EEFSEC: variants seen among roughly 807,000 people sequenced by gnomAD.
EEFSEC encodes the protein eukaryotic elongation factor, selenocysteine-tRNA specific.
In EEFSEC, 43 loss-of-function variants were observed where a neutral mutation model predicts 42.1. The observed-to-expected ratio is 1.02, with a 90% CI of 0.80 to 1.32. The LOEUF (loss-of-function observed/expected upper bound fraction) is 1.32, where lower values mean the gene tolerates loss of function less well. Ranked by LOEUF, EEFSEC falls within the 40% of genes most tolerant of loss-of-function variation. EEFSEC has a pLI of 0.00. For synonymous variants in EEFSEC, 354 were observed against 339.1 expected (o/e 1.04, Z -0.48); for missense variants, 745 against 803.6 (o/e 0.93, Z 0.88).
At chr3:128,243,541 G>A (rs573547612) in intron 1 of EEFSEC, among the ~76,000 whole-genome samples, 15 of 152,346 alleles carry the variant, frequency 9.8e-5, no homozygotes, top group Admixed American at 2.6e-4. Flanking sequence ...GTCCAGCAAC[G>A]ATGTATTAAG....
the EEFSEC span, among the ~76,000 whole-genome samples, chr3:128,419,956 AG>A: frequency 1.3e-5 from 2 of 151,906 alleles, no homozygotes; most frequent in Admixed American, 6.6e-5. Flanking sequence ...CCGCAGCGGG[AG>A]GGGGGACAGC....
Position 128,387,960 on chromosome 3 carries a change from G to A in EEFSEC, c.1601-20109G>A, listed in dbSNP as rs114383705. ...GCACTGGATGGCTATTTAGGCATGA[G>A]GGTGCCACGAGCAGAGACCTGGAAG... On this transcript the variant is annotated intron_variant, in intron 6 of 6. Transcript: ENST00000254730. Among the ~76,000 whole-genome samples the A allele has an allele frequency of 2.8e-3, 430 of 152,318 alleles. 1 individual carries two copies. The highest frequency in any genetic ancestry group is 9.6e-3 in the African/African-American group (401 of 41,570).
intron 4 of EEFSEC, among the ~76,000 whole-genome samples, chr3:128,324,706 G>C (rs1003248793): frequency 6.6e-6 from 1 of 152,200 alleles, no homozygotes; most frequent in African/African-American, 2.4e-5. Flanking sequence ...GTAGGCCTAG[G>C]GCTTTGCATG....
At position 128,222,040 on chromosome 3, in the gene EEFSEC, T is replaced by G. The variant is rs553098561; in HGVS notation, c.317-24796T>G. ...TTTTTTCAAAGTTTTTTTTTTTTTTTTTTTTTTTTTTGAGACAGAATCTCA... is the reference window on the plus strand; with the variant it reads ...TTTTTTCAAAGTTTTTTTTTTTTTTGTTTTTTTTTTTGAGACAGAATCTCA... On this transcript the variant is annotated intron_variant, in intron 1 of 6. Coordinates refer to ENST00000254730, the MANE Select transcript of EEFSEC (RefSeq NM_021937.5). 3.2e-4 allele frequency among the ~76,000 whole-genome samples: 46 copies of G among 145,388 alleles called. 1 individual carries two copies. Among genetic ancestry groups the G allele is most frequent in the South Asian group, 2.5e-3 (11 of 4,458 alleles).
At chr3:128,225,006 G>A (rs2065894834) in intron 1 of EEFSEC, among the ~76,000 whole-genome samples, 1 of 152,236 alleles carries the variant, frequency 6.6e-6, no homozygotes, top group Admixed American at 6.5e-5. Flanking sequence ...GGCTGCCCAG[G>A]CATGGTTACC....
chr3:128,349,340 CCT>C (rs2067354770), intron 5 of EEFSEC, among the ~76,000 whole-genome samples: 1 of 152,162 alleles, frequency 6.6e-6, no homozygotes, highest in Non-Finnish European at 1.5e-5. Context: ...GGAGGCTCAG[CCT>C]CTCTCACCTA....
chr3:128,313,856 C>T lies in EEFSEC; in HGVS notation c.787-27377C>T, dbSNP rs1395625354. On this transcript the variant is annotated intron_variant, in intron 4 of 6. Transcript: ENST00000254730. Reference sequence around the variant, plus strand: ...TATGCAGTGATTAGAGTTAAGTCTCCCTGACAACCCCCTGTCTTGGGTCCC... The same window carrying T: ...TATGCAGTGATTAGAGTTAAGTCTCTCTGACAACCCCCTGTCTTGGGTCCC... Among the ~76,000 whole-genome samples, 4 of 152,196 alleles carry T rather than the reference C, an allele frequency of 2.6e-5. No individual in the cohort carries two copies. The East Asian group carries it at 7.7e-4, about 29-fold the overall frequency.
At chr3:128,207,794 A>G (rs2065714308) in intron 1 of EEFSEC, among the ~76,000 whole-genome samples, 1 of 152,160 alleles carries the variant, frequency 6.6e-6, no homozygotes, top group Admixed American at 6.5e-5. Flanking sequence ...AAAATTCTAG[A>G]TGAGAAGATC....
chr3:128,195,874 A>G (rs1476353544), intron 1 of EEFSEC, among the ~76,000 whole-genome samples: 4 of 152,236 alleles, frequency 2.6e-5, no homozygotes, highest in Non-Finnish European at 5.9e-5. Flanking sequence ...CCTTCTCCCA[A>G]ACAGAACGCA....
intron 1 of EEFSEC, among the ~76,000 whole-genome samples, chr3:128,246,230 G>A (rs1305874354): frequency 6.7e-6 from 1 of 149,606 alleles, no homozygotes; most frequent in Non-Finnish European, 1.5e-5. Context: ...AAGCGTGCAC[G>A]CACACACACA....
At chr3:128,268,795 C>A (rs1311835802) in intron 4 of EEFSEC, among the ~76,000 whole-genome samples, 2 of 152,152 alleles carry the variant, frequency 1.3e-5, no homozygotes, top group Non-Finnish European at 2.9e-5. Context: ...TGCCTCGGTG[C>A]CTCCATGGGA....
chr3:128,314,025 G>A (rs1177702259), intron 4 of EEFSEC, among the ~76,000 whole-genome samples: 1 of 152,196 alleles, frequency 6.6e-6, no homozygotes, highest in Non-Finnish European at 1.5e-5. Context: ...CACTCTAGAT[G>A]CAAGATGGTT....
chr3:128,313,613 C>T (rs2066913432), intron 4 of EEFSEC, among the ~76,000 whole-genome samples: 1 of 152,322 alleles, frequency 6.6e-6, no homozygotes. Flanking sequence ...TGCCTGGTAA[C>T]GGGGCTTTGG....
chr3:128,165,230 G>A lies in EEFSEC; in HGVS notation c.316+11407G>A, dbSNP rs2999050. ...AGCAGTAGGCAGTTTGCTGCAGGGC[G>A]CACAAGTAGCCAGTGCCAGGCTCTG... On this transcript the variant is annotated intron_variant, in intron 1 of 6. Coordinates refer to ENST00000254730, the MANE Select transcript of EEFSEC (RefSeq NM_021937.5). 1.3e-3 allele frequency among the ~76,000 whole-genome samples: 196 copies of A among 152,296 alleles called. 1 individual carries two copies. The highest frequency in any genetic ancestry group is 7.1e-3 in the East Asian group (37 of 5,176).
At chr3:128,363,341 G>A (rs185918292) in intron 6 of EEFSEC, among the ~76,000 whole-genome samples, 187 of 152,372 alleles carry the variant, frequency 1.2e-3, no homozygotes, top group African/African-American at 4.3e-3. Context: ...GGCAAAGGTA[G>A]CAAACATCCA....
At chr3:128,363,706 T>C (rs954407263) in intron 6 of EEFSEC, among the ~76,000 whole-genome samples, 1 of 152,170 alleles carries the variant, frequency 6.6e-6, no homozygotes, top group African/African-American at 2.4e-5. Context: ...CAGTGTGCCA[T>C]GCAGAAGGGG....
intron 1 of EEFSEC, among the ~76,000 whole-genome samples, chr3:128,231,220 A>G (rs1022935118): frequency 2.6e-5 from 4 of 152,204 alleles, no homozygotes; most frequent in South Asian, 2.1e-4. Context: ...GGCCAGCCCA[A>G]TCGAGACCTT....
chr3:128,391,595 C>G lies in EEFSEC; in HGVS notation c.1601-16474C>G, dbSNP rs918647210. On this transcript the variant is annotated intron_variant, in intron 6 of 6. Transcript: ENST00000254730. Reference sequence around the variant, plus strand: ...AGCGCTTTGAAGCAAGCCAATGCTCCCAGTTCCCTGACCCTCACCGATGGG... The same window carrying G: ...AGCGCTTTGAAGCAAGCCAATGCTCGCAGTTCCCTGACCCTCACCGATGGG... Among the ~76,000 whole-genome samples, 4 of 152,182 alleles carry G rather than the reference C, an allele frequency of 2.6e-5. No individual in the cohort carries two copies. In the East Asian group the frequency reaches 7.7e-4, roughly 29 times the overall value.
intron 1 of EEFSEC, among the ~76,000 whole-genome samples, chr3:128,200,971 G>A (rs2065637466): frequency 6.6e-6 from 1 of 152,270 alleles, no homozygotes; most frequent in Admixed American, 6.5e-5. Flanking sequence ...AACTGCTGGT[G>A]ATCTGTGCTG....
Sources: gnomAD v4.1 joint callset for allele counts (sites outside exome capture counted in the v4.1 genomes callset) on GRCh38, gnomAD v4.1.1 for gene constraint, MANE v1.5 for transcripts, NCBI Gene and HGNC (gene_info 2026-07-23, HGNC 2026-07-21) for gene names.